The following OAS1 variants were observed in gnomAD, a reference collection of about 807,000 sequenced individuals.
The protein encoded by OAS1 is 2'-5'-oligoadenylate synthase 1.
OAS1 carries 24 observed loss-of-function variants against 38.5 expected under a neutral mutation model. The observed-to-expected ratio is 0.62, with a 90% confidence interval of 0.45 to 0.88. The LOEUF (loss-of-function observed/expected upper bound fraction) is 0.88. OAS1 is among the 40% of genes least tolerant of loss of function. The probability of loss-of-function intolerance (pLI) is 0.00; values close to 1 mark genes in which losing one functional copy is unlikely to be tolerated. For synonymous variants in OAS1, 169 were observed against 193.9 expected, an observed-to-expected ratio of 0.87 and a Z score of 1.07; for missense variants, 482 against 493.9, an observed-to-expected ratio of 0.98 and a Z score of 0.23.
At chr12:112,928,610 C>G (rs1367994872) in intron 6 of OAS1, among the ~76,000 whole-genome samples, 1 of 152,178 alleles carries the variant, frequency 6.6e-6, no homozygotes, top group African/African-American at 2.4e-5. Context: ...CTTCTGGAGC[C>G]CAGGCTGAAT....
At chr12:112,917,818 T>C in intron 5 of OAS1, 118 bp downstream of exon 5, 1 of 1,608,656 alleles carries the variant, frequency 6.2e-7, no homozygotes, top group Non-Finnish European at 8.5e-7. Flanking sequence ...GCCATTTATA[T>C]TCATATAGTG....
In OAS1 at chr12:112,908,602, A is replaced by G; in HGVS notation, c.247A>G (p.Ser83Gly). The G allele has an allele frequency of 6.2e-7, 1 of 1,614,162 alleles. No individual in the cohort carries two copies. The highest frequency in any genetic ancestry group is 8.5e-7 in the Non-Finnish European group (1 of 1,180,012). Residue 83 changes from serine (S) to glycine (G), a missense_variant, in exon 2 of 6, where the codon AGT becomes GGT. Physicochemically the swap from Ser to Gly is moderately conservative, Grantham distance 56. Transcript: ENST00000202917. ...TGACGCTGACCTGGTTGTCTTCCTC[A>G]GTCCTCTCACCACTTTTCAGGATCA... ...RSDADLVVFL[S>G]PLTTFQDQLN...
chr12:112,923,977 A>G (rs369142958), downstream of OAS1, among the ~76,000 whole-genome samples: 14 of 152,386 alleles, frequency 9.2e-5, no homozygotes, highest in Admixed American at 2.0e-4. Context: ...AACTTAGGGG[A>G]AAACTTCATG....
Position 112,919,595 on chromosome 12 carries a change from G to A in OAS1, c.*42G>A, listed in dbSNP as rs569277020. 5 of 1,614,064 alleles carry A rather than the reference G, an allele frequency of 3.1e-6. No individual in the cohort carries two copies. The African/African-American group carries it at 4.0e-5, about 13-fold the overall frequency. On this transcript the variant is annotated 3_prime_UTR_variant, in exon 6 of 6. Transcript: ENST00000202917. ...GGGGAAAGGGCTCCAGTGTTATCTGGACCAGTTCCTTCATTTTCAGGTGGG... is the reference window on the plus strand; with the variant it reads ...GGGGAAAGGGCTCCAGTGTTATCTGAACCAGTTCCTTCATTTTCAGGTGGG...
chr12:112,925,273 G>C (rs1484298193), intron 6 of OAS1, among the ~76,000 whole-genome samples: 1 of 152,010 alleles, frequency 6.6e-6, no homozygotes, highest in Non-Finnish European at 1.5e-5. Flanking sequence ...GGCCCTGCGT[G>C]AACTCTCCCA....
rs769697834 is a variant in OAS1 at position 112,908,838 on chromosome 12, G to C, written c.469+14G>C. On this transcript the variant is annotated intron_variant, in intron 2 of 5. Transcript: ENST00000202917. ...TTGATGCCCTGGGTGAGAGCTCCCA[G>C]CTTCTTTTTCTCCCTCTTCCCATTT... 3.2e-6 allele frequency: 5 copies of C among 1,553,778 alleles called. No individual in the cohort carries two copies. In the East Asian group the frequency reaches 1.1e-4, roughly 35 times the overall value.
rs557670185 is a variant in OAS1, at chr12:112,908,569, G to A, written c.214G>A (p.Gly72Ser). 149 of 1,614,116 alleles carry A rather than the reference G, an allele frequency of 9.2e-5. 1 individual carries two copies. In the South Asian group the frequency reaches 1.6e-3, roughly 17 times the overall value. The change falls in exon 2 of 6, where the codon GGC (glycine) becomes AGC (serine). Residue 72 changes from glycine to serine, a missense_variant. Physicochemically the swap from Gly to Ser is moderately conservative, Grantham distance 56 (BLOSUM62 0). Transcript: ENST00000202917. ...CTCAGGCAAGGGCACCACCCTCAGAGGCCGATCTGACGCTGACCTGGTTGT... is the reference window on the plus strand; with the variant it reads ...CTCAGGCAAGGGCACCACCCTCAGAAGCCGATCTGACGCTGACCTGGTTGT... The part of the protein sequence containing the change: ...GSSGKGTTLR[G>S]RSDADLVVFL...
At chr12:112,923,793 C>T (rs896081149), downstream of OAS1, among the ~76,000 whole-genome samples, 1 of 152,092 alleles carries the variant, frequency 6.6e-6, no homozygotes, top group African/African-American at 2.4e-5. Flanking sequence ...GACAAGATTG[C>T]CAAGAATACA....
chr12:112,922,011 C>T (rs910506400), downstream of OAS1, among the ~76,000 whole-genome samples: 15 of 152,102 alleles, frequency 9.9e-5, no homozygotes, highest in Admixed American at 2.0e-4. Context: ...CTGACTTGGC[C>T]AGGGCTCCAT....
rs2043377076 is a variant in OAS1 at position 112,911,251 on chromosome 12, C to T, written c.654+16C>T. 1.9e-6 allele frequency: 3 copies of T among 1,602,232 alleles called. No homozygotes were observed. The highest frequency in any genetic ancestry group is 2.6e-6 in the Non-Finnish European group (3 of 1,173,650). On this transcript the variant is annotated intron_variant, in intron 3 of 5. Coordinates refer to ENST00000202917, the MANE Select transcript of OAS1 (RefSeq NM_016816.4). Reference sequence around the variant, plus strand: ...GTACCAAAATGTATGGCCCTCCCACCAGGCCTGGTGGGTCCTGTCTCGACT... The same window carrying T: ...GTACCAAAATGTATGGCCCTCCCACTAGGCCTGGTGGGTCCTGTCTCGACT...
intron 3 of OAS1, among the ~76,000 whole-genome samples, chr12:112,913,478 T>C (rs1160311599): frequency 1.3e-5 from 2 of 152,312 alleles, no homozygotes; most frequent in East Asian, 3.9e-4. Context: ...GAATTCCAAT[T>C]AAATGTATGT....
At chr12:112,920,655 A>C (rs2043523330), downstream of OAS1, among the ~76,000 whole-genome samples, 2 of 152,174 alleles carry the variant, frequency 1.3e-5, no homozygotes, top group South Asian at 4.1e-4. Context: ...TGTCCTTGGG[A>C]CCAAGAATCA....
downstream of OAS1, among the ~76,000 whole-genome samples, chr12:112,921,409 A>G (rs970135974): frequency 2.0e-5 from 3 of 152,210 alleles, no homozygotes; most frequent in African/African-American, 7.2e-5. Flanking sequence ...TAGCAATGCC[A>G]CAACCAACAG....
At chr12:112,909,550 A>T (rs1215025197) in intron 2 of OAS1, among the ~76,000 whole-genome samples, 3 of 152,172 alleles carry the variant, frequency 2.0e-5, no homozygotes, top group Admixed American at 6.5e-5. Context: ...GGTCGCAGTT[A>T]TTCAGGACGC....
chr12:112,917,212 T>C (rs768252986), intron 4 of OAS1, among the ~76,000 whole-genome samples: 1 of 152,236 alleles, frequency 6.6e-6, no homozygotes, highest in Non-Finnish European at 1.5e-5. Flanking sequence ...CCTCACAGCA[T>C]AGCCTTTGAG....
At chr12:112,928,794 C>T (rs2043578105) in intron 6 of OAS1, among the ~76,000 whole-genome samples, 2 of 152,236 alleles carry the variant, frequency 1.3e-5, no homozygotes, top group Admixed American at 1.3e-4. Context: ...GTGGGAGGAA[C>T]TACAACATCC....
chr12:112,928,105 G>A (rs1462124040), intron 6 of OAS1, among the ~76,000 whole-genome samples: 3 of 152,184 alleles, frequency 2.0e-5, no homozygotes, highest in Non-Finnish European at 4.4e-5. Flanking sequence ...TTGCAGGAAG[G>A]TCTCATGATT....
At chr12:112,911,283 A>C in intron 3 of OAS1, 48 bp downstream of exon 3, 1 of 1,060,674 alleles carries the variant, frequency 9.4e-7, no homozygotes, top group Non-Finnish European at 1.3e-6. Flanking sequence ...GACTGGGAGC[A>C]GAGGAGGGGT....
At chr12:112,916,851 T>G in intron 4 of OAS1, 113 bp downstream of exon 4, 1 of 795,852 alleles carries the variant, frequency 1.3e-6, no homozygotes. Flanking sequence ...GAGAATCTCC[T>G]GTTGCCCATC....
Sources: gnomAD v4.1 joint callset for allele counts (sites outside exome capture counted in the v4.1 genomes callset) on GRCh38, gnomAD v4.1.1 for gene constraint, MANE v1.5 for transcripts, NCBI Gene and HGNC (gene_info 2026-07-23, HGNC 2026-07-21) for gene names.